The following FAM120B variants were observed in gnomAD, a reference collection of about 807,000 sequenced individuals.
FAM120B encodes the protein family with sequence similarity 120 member B.
In FAM120B, 83 loss-of-function variants were observed where a neutral mutation model predicts 96.3. That is an observed-to-expected ratio of 0.86 (90% CI 0.72 to 1.03). The LOEUF is 1.03. Ranked by LOEUF, FAM120B falls within the 50% of genes least tolerant of loss-of-function variation. FAM120B has a pLI of 0.00. For synonymous variants in FAM120B, 407 were observed against 402.7 expected (o/e 1.01, Z -0.13); for missense variants, 1,027 against 1,121.2 (o/e 0.92, Z 1.20).
intron 3 of FAM120B, among the ~76,000 whole-genome samples, chr6:170,326,659 T>G (rs1274601362): frequency 6.6e-6 from 1 of 152,224 alleles, no homozygotes; most frequent in Non-Finnish European, 1.5e-5. Context: ...ATAGACAACA[T>G]GTACATGAAT....
upstream of FAM120B, among the ~76,000 whole-genome samples, chr6:170,304,796 A>G (rs1037938871): frequency 1.3e-5 from 2 of 151,814 alleles, no homozygotes; most frequent in African/African-American, 4.8e-5. Flanking sequence ...CCTTTGTCAG[A>G]TCCTACTCCT....
At chr6:170,365,149 G>A (rs1469082866) in intron 6 of FAM120B, among the ~76,000 whole-genome samples, 2 of 152,202 alleles carry the variant, frequency 1.3e-5, no homozygotes, top group Admixed American at 1.3e-4. Context: ...CTCCCTCCTG[G>A]CACTTTACCC....
At chr6:170,347,703 A>G (rs1276488696) in intron 4 of FAM120B, among the ~76,000 whole-genome samples, 2 of 151,936 alleles carry the variant, frequency 1.3e-5, no homozygotes, top group Non-Finnish European at 2.9e-5. Flanking sequence ...ATTTTTTTTT[A>G]CAATCTCTGC....
At chr6:170,398,400 G>A (rs1196244184) in intron 9 of FAM120B, among the ~76,000 whole-genome samples, 1 of 152,290 alleles carries the variant, frequency 6.6e-6, no homozygotes, top group East Asian at 1.9e-4. Flanking sequence ...GAGTGGGGAA[G>A]GTAGAACTAT....
chr6:170,388,194 G>T (rs756010186), intron 6 of FAM120B, 93 bp from the exon 7 acceptor site: 3 of 1,077,226 alleles, frequency 2.8e-6, no homozygotes, highest in African/African-American at 1.6e-5. Context: ...GTGAGCATCC[G>T]TTCTGAGCAG....
At chr6:170,352,056 A>C (rs761607504) in intron 5 of FAM120B, among the ~76,000 whole-genome samples, 2 of 152,270 alleles carry the variant, frequency 1.3e-5, no homozygotes, top group African/African-American at 2.4e-5. Flanking sequence ...TCTCATGTGC[A>C]GAGACACACA....
At chr6:170,325,547 A>AT (rs1785536022) in intron 3 of FAM120B, among the ~76,000 whole-genome samples, 1 of 151,926 alleles carries the variant, frequency 6.6e-6, no homozygotes. Flanking sequence ...AAAAAAAAAA[A>AT]AAAAAGTAGT....
intron 1 of FAM120B, among the ~76,000 whole-genome samples, chr6:170,296,376 G>C (rs1455484873): frequency 6.6e-6 from 1 of 152,148 alleles, no homozygotes; most frequent in African/African-American, 2.4e-5. Flanking sequence ...AGGGGCACCA[G>C]TGCAAGGCCC....
chr6:170,291,307 C>T (rs1341884851), upstream of FAM120B, among the ~76,000 whole-genome samples: 3 of 152,082 alleles, frequency 2.0e-5, no homozygotes, highest in Admixed American at 6.5e-5. Context: ...GACCCTCGGC[C>T]ACACGCGGGG....
At chr6:170,384,155 G>A (rs921412585) in intron 6 of FAM120B, among the ~76,000 whole-genome samples, 1 of 152,222 alleles carries the variant, frequency 6.6e-6, no homozygotes, top group Non-Finnish European at 1.5e-5. Context: ...GTCTTATGTG[G>A]AGAGACAGTT....
intron 8 of FAM120B, among the ~76,000 whole-genome samples, chr6:170,392,255 T>G (rs146369209): frequency 6.6e-6 from 1 of 152,196 alleles, no homozygotes; most frequent in Non-Finnish European, 1.5e-5. Flanking sequence ...TTGCCCAGGC[T>G]GGAGTGCAGT....
At chr6:170,384,629 G>C (rs919859615) in intron 6 of FAM120B, among the ~76,000 whole-genome samples, 4 of 152,210 alleles carry the variant, frequency 2.6e-5, no homozygotes, top group African/African-American at 4.8e-5. Context: ...ACAGTTTCCA[G>C]ATGCATCAGA....
Position 170,395,498 on chromosome 6 carries a change from A to C in FAM120B, c.2611A>C (p.Arg871=), listed in dbSNP as rs1405975754. Residue 871 remains arginine, a synonymous_variant, in exon 9 of 11, where the codon AGA becomes CGA. Transcript: ENST00000476287. ...ATGTGTTCCCACAGGGAGGTGGGGAAGACAGGGCTCCAGCTACCACAGGAC... is the reference window on the plus strand; with the variant it reads ...ATGTGTTCCCACAGGGAGGTGGGGACGACAGGGCTCCAGCTACCACAGGAC... The part of the protein sequence containing the change: ...WGSHHAGRWG[R]QGSSYHRTGS... 4 of 1,594,468 alleles carry C rather than the reference A, an allele frequency of 2.5e-6. No individual in the cohort carries two copies. The highest frequency in any genetic ancestry group is 3.4e-6 in the Non-Finnish European group (4 of 1,170,562).
At chr6:170,377,365 C>T (rs35199194) in intron 6 of FAM120B, among the ~76,000 whole-genome samples, 9 of 108,324 alleles carry the variant, frequency 8.3e-5, no homozygotes, top group Admixed American at 3.0e-4. Context: ...TAAACCCAGA[C>T]GCCTGGGAGA....
rs1340153151 is a variant in FAM120B, at chr6:170,363,326, T to G, written c.2283+5008T>G. Among the ~76,000 whole-genome samples the G allele has an allele frequency of 5.9e-5, 9 of 152,248 alleles. No homozygotes were observed. Among genetic ancestry groups the G allele is most frequent in the Non-Finnish European group, 1.5e-5 (1 of 68,048 alleles). On this transcript the variant is annotated intron_variant, in intron 6 of 10. Coordinates refer to ENST00000476287, the MANE Select transcript of FAM120B (RefSeq NM_032448.3). The surrounding 1 kb of genome is among the most constrained non-coding windows in gnomAD (Gnocchi z 4.5). The stretch of plus-strand genomic sequence containing the variant: ...TGTGAGTTGATGAAAGATAAAATTT[T>G]ACTATAAAATTCAAGCCATCTTCTT...
intron 4 of FAM120B, among the ~76,000 whole-genome samples, chr6:170,339,740 C>T (rs1027593931): frequency 4.2e-4 from 62 of 148,160 alleles, no homozygotes; most frequent in Non-Finnish European, 7.0e-4. Context: ...GATCATGCCA[C>T]TGCACTCCAG....
intron 3 of FAM120B, 78 bp from the exon 4 acceptor site, chr6:170,330,371 G>A: frequency 5.4e-6 from 6 of 1,108,036 alleles, no homozygotes; most frequent in Non-Finnish European, 8.1e-6. Context: ...GGCCACCTGG[G>A]CAGAGCTGGG....
intron 6 of FAM120B, among the ~76,000 whole-genome samples, chr6:170,368,820 T>TTGG (rs1491125603): frequency 1.4e-5 from 2 of 139,924 alleles, no homozygotes; most frequent in Non-Finnish European, 3.0e-5. Context: ...CTGCCGGGGC[T>TTGG]GGGGGGGGGG....
At position 170,373,562 on chromosome 6, in the gene FAM120B, TTC is replaced by T. The variant is rs1477867564; in HGVS notation, c.2284-14723_2284-14722del. On this transcript the variant is annotated intron_variant, in intron 6 of 10. Coordinates refer to ENST00000476287, the MANE Select transcript of FAM120B (RefSeq NM_032448.3). ...CCAGTTAGCTTAAATTAGTTGTTTT[TTC>T]TGTTTGATTAGTAATTTGAAAATTG... 2.0e-5 allele frequency among the ~76,000 whole-genome samples: 3 copies of T among 152,234 alleles called. No homozygotes were observed. In the East Asian group the frequency reaches 5.8e-4, roughly 29 times the overall value.
Sources: gnomAD v4.1 joint callset for allele counts (sites outside exome capture counted in the v4.1 genomes callset) on GRCh38, gnomAD v4.1.1 for gene constraint, Gnocchi (gnomAD v3.1) non-coding constraint, MANE v1.5 for transcripts, NCBI Gene and HGNC (gene_info 2026-07-23, HGNC 2026-07-21) for gene names.